RDH10: variants seen among roughly 807,000 people sequenced by gnomAD.
RDH10 encodes retinol dehydrogenase 10 (all-trans).
A neutral mutation model predicts 30.2 loss-of-function variants in RDH10; 12 were observed. That is an observed-to-expected ratio of 0.40 (90% confidence interval 0.25 to 0.64). The LOEUF is 0.64. Among genes scored for constraint, RDH10 ranks in the 30% least tolerant of loss-of-function variants. The pLI is 0.43. For synonymous variants in RDH10, 189 were observed against 172.2 expected (o/e 1.10, Z -0.76); for missense variants, 268 against 445.2 (o/e 0.60, Z 3.58).
chr8:73,297,062 C>T, intron 1 of RDH10, 132 bp from the exon 2 acceptor site: 2 of 654,732 alleles, frequency 3.1e-6, no homozygotes, highest in South Asian at 1.8e-5. Flanking sequence ...AGCCTTGCAG[C>T]GTTAGAAATT....
chr8:73,300,287 A>G (rs992686699), intron 2 of RDH10: 2 of 152,248 alleles, frequency 1.3e-5, no homozygotes, highest in Non-Finnish European at 2.9e-5. Context: ...AATTCAGTAT[A>G]GATTTTACAG....
Position 73,295,092 on chromosome 8 carries a change from C to G in RDH10, c.-198C>G. ...ACAGTCCGGGGCCACAGCGCCGAGCCCGGGCGGGAGTGGCCCCGCGCAGGC... is the reference window on the plus strand; with the variant it reads ...ACAGTCCGGGGCCACAGCGCCGAGCGCGGGCGGGAGTGGCCCCGCGCAGGC... On this transcript the variant is annotated 5_prime_UTR_variant, in exon 1 of 6. Coordinates refer to ENST00000240285, the MANE Select transcript of RDH10 (RefSeq NM_172037.5). 1 of 365,054 alleles carries G rather than the reference C, an allele frequency of 2.7e-6. No individual in the cohort carries two copies. The highest frequency in any genetic ancestry group is 4.7e-6 in the Non-Finnish European group (1 of 211,734). The allele number at this position is 365,054 out of a possible 1,614,324, so 22.6% of individuals were successfully genotyped here.
At chr8:73,307,561 T>C (rs1814485059) in intron 2 of RDH10, among the ~76,000 whole-genome samples, 1 of 152,208 alleles carries the variant, frequency 6.6e-6, no homozygotes, top group Admixed American at 6.5e-5. Context: ...CAACTCTGAA[T>C]TAAATAGAGC....
chr8:73,314,035 C>T (rs572299019), intron 2 of RDH10, among the ~76,000 whole-genome samples: 1 of 152,356 alleles, frequency 6.6e-6, no homozygotes, highest in East Asian at 1.9e-4. Flanking sequence ...CTGTGTGTTT[C>T]AGATTTGCCC....
intron 2 of RDH10, chr8:73,300,261 C>T (rs1814352243): frequency 6.6e-6 from 1 of 152,130 alleles, no homozygotes; most frequent in African/African-American, 2.4e-5. Context: ...GATTCAGCAA[C>T]CAAAATTTAA....
chr8:73,296,940 T>C (rs912830319), intron 1 of RDH10: 1 of 446,504 alleles, frequency 2.2e-6, no homozygotes, highest in African/African-American at 2.0e-5. Flanking sequence ...TCTACTTGTA[T>C]TGGGCTTGTC....
At chr8:73,322,235 G>A in intron 4 of RDH10, 1 of 331,042 alleles carries the variant, frequency 3.0e-6, no homozygotes, top group East Asian at 7.7e-5. Context: ...CCCTCTTCCG[G>A]CATCCTGGAA....
chr8:73,309,734 A>C (rs1263758850), intron 2 of RDH10, among the ~76,000 whole-genome samples: 1 of 151,732 alleles, frequency 6.6e-6, no homozygotes, highest in Non-Finnish European at 1.5e-5. Flanking sequence ...TTCCTTTCCT[A>C]ATGTACATGT....
chr8:73,320,469 GTTTTTGTT>G (rs1353035038), intron 3 of RDH10, among the ~76,000 whole-genome samples: 9 of 121,104 alleles, frequency 7.4e-5, no homozygotes, highest in South Asian at 5.3e-4. Context: ...TTTTGTTTTT[GTTTTTGTT>G]TTTTTTTTTT....
At chr8:73,299,395 T>C (rs527398198) in intron 2 of RDH10, among the ~76,000 whole-genome samples, 1 of 152,328 alleles carries the variant, frequency 6.6e-6, no homozygotes, top group South Asian at 2.1e-4. Flanking sequence ...TCAAGAATCT[T>C]GTGTGTTTAT....
At chr8:73,300,757 C>T (rs1347338951) in intron 2 of RDH10, among the ~76,000 whole-genome samples, 1 of 152,228 alleles carries the variant, frequency 6.6e-6, no homozygotes, top group East Asian at 1.9e-4. Context: ...CTCCATTCCA[C>T]GTGTCTTTTA....
At chr8:73,297,655 A>C in intron 2 of RDH10, 1 of 431,328 alleles carries the variant, frequency 2.3e-6, no homozygotes, top group Non-Finnish European at 4.0e-6. Flanking sequence ...AGGGCAGAGG[A>C]TTGAACATTT....
intron 1 of RDH10, 136 bp from the exon 2 acceptor site, chr8:73,297,058 G>A: frequency 1.5e-6 from 1 of 649,676 alleles, no homozygotes; most frequent in Non-Finnish European, 2.8e-6. Flanking sequence ...GGCAAGCCTT[G>A]CAGCGTTAGA....
At chr8:73,308,821 A>G (rs1231942119) in intron 2 of RDH10, among the ~76,000 whole-genome samples, 5 of 152,242 alleles carry the variant, frequency 3.3e-5, no homozygotes, top group East Asian at 1.9e-4. Flanking sequence ...GATCAATTAT[A>G]TTGCCTGTTT....
At chr8:73,321,703 T>C (rs1814772923) in intron 4 of RDH10, 1 of 416,484 alleles carries the variant, frequency 2.4e-6, no homozygotes, top group Non-Finnish European at 4.9e-6. Flanking sequence ...AACAAAACTG[T>C]GAATCATTAA....
chr8:73,302,555 C>T (rs1303235910), intron 2 of RDH10, among the ~76,000 whole-genome samples: 2 of 152,046 alleles, frequency 1.3e-5, no homozygotes, highest in African/African-American at 2.4e-5. Context: ...CGTGGTGGCA[C>T]GTGCCTGTAG....
chr8:73,295,842 C>T (rs991843896), intron 1 of RDH10: 83 of 1,262,720 alleles, frequency 6.6e-5, no homozygotes, highest in Non-Finnish European at 8.3e-5. Context: ...GTTTCCTAAG[C>T]CCTCCGGGGT....
At chr8:73,304,432 C>T (rs560643637) in intron 2 of RDH10, among the ~76,000 whole-genome samples, 7 of 152,268 alleles carry the variant, frequency 4.6e-5, no homozygotes, top group African/African-American at 1.7e-4. Context: ...TCTTCTTTTC[C>T]TGTATTCGCT....
chr8:73,310,955 T>C (rs1814552814), intron 2 of RDH10: 1 of 152,190 alleles, frequency 6.6e-6, no homozygotes, highest in Non-Finnish European at 1.5e-5. Flanking sequence ...AGTTACATTA[T>C]GTTAAAAGGC....
Sources: allele counts gnomAD v4.1 joint callset (sites outside exome capture counted in the v4.1 genomes callset), GRCh38; gene constraint gnomAD v4.1.1; transcripts MANE v1.5; gene names NCBI Gene and HGNC (gene_info 2026-07-23, HGNC 2026-07-21).